The following MVB12B variants were observed in gnomAD, a reference collection of about 807,000 sequenced individuals.
MVB12B encodes multivesicular body subunit 12B, also known as ESCRT-I complex subunit MVB12B.
MVB12B carries 16 observed loss-of-function variants against 41.6 expected under a neutral mutation model. The observed-to-expected ratio is 0.38, with a 90% CI of 0.26 to 0.58. The LOEUF (loss-of-function observed/expected upper bound fraction) is 0.58, where lower values mean the gene tolerates loss of function less well. Among genes scored for constraint, MVB12B ranks in the 20% least tolerant of loss-of-function variants. The pLI, the probability that MVB12B is intolerant of heterozygous loss-of-function variation, is 0.62. For synonymous variants in MVB12B, 133 were observed against 139.7 expected, an observed-to-expected ratio of 0.95 and a Z score of 0.34; for missense variants, 274 against 380.2, an observed-to-expected ratio of 0.72 and a Z score of 2.32.
chr9:126,397,356 G>A (rs1367923487), intron 6 of MVB12B: 13 of 985,318 alleles, frequency 1.3e-5, no homozygotes, highest in East Asian at 1.1e-4. Flanking sequence ...CAAGACAGCC[G>A]AGAACACCGA....
intron 2 of MVB12B, among the ~76,000 whole-genome samples, chr9:126,366,927 C>T (rs1830198812): frequency 6.6e-6 from 1 of 152,202 alleles, no homozygotes; most frequent in Non-Finnish European, 1.5e-5. Flanking sequence ...TATTCCCAAA[C>T]CGAACTCCTC....
intron 7 of MVB12B, among the ~76,000 whole-genome samples, chr9:126,456,875 AGT>A (rs1832994896): frequency 1.4e-5 from 1 of 69,164 alleles, no homozygotes; most frequent in Non-Finnish European, 3.1e-5. Context: ...TAAAAGAAAA[AGT>A]AAGCGTCTTA....
intron 7 of MVB12B, among the ~76,000 whole-genome samples, chr9:126,446,938 C>CTTTTTTTTTTTTTTTTTTTTTTTTACTTT (rs33991689): frequency 9.6e-6 from 1 of 104,324 alleles, no homozygotes; most frequent in African/African-American, 3.9e-5. Flanking sequence ...TTTTAACTTT[C>CTTTTTTTTTTTTTTTTTTTTTTTTACTTT]TTTTTTTTTT....
At chr9:126,499,451 A>AT (rs1019877106) in intron 9 of MVB12B, among the ~76,000 whole-genome samples, 15 of 152,308 alleles carry the variant, frequency 9.8e-5, no homozygotes, top group Admixed American at 3.3e-4. Flanking sequence ...TTCAAAAAGG[A>AT]TTTGCTGTTT....
intron 7 of MVB12B, among the ~76,000 whole-genome samples, chr9:126,441,345 C>T (rs1419145370): frequency 6.6e-6 from 1 of 152,200 alleles, no homozygotes. Context: ...AGGAAGACTT[C>T]TGTTTGGTGA....
intron 7 of MVB12B, among the ~76,000 whole-genome samples, chr9:126,427,843 GCTGA>G (rs1177437073): frequency 1.3e-5 from 2 of 152,146 alleles, no homozygotes; most frequent in Non-Finnish European, 2.9e-5. Flanking sequence ...TCAGCATTAG[GCTGA>G]CTATTAAAGT....
In MVB12B at chr9:126,386,683, A is replaced by C; in HGVS notation, c.409+25A>C. On this transcript the variant is annotated intron_variant, in intron 4 of 9. Transcript: ENST00000361171. The surrounding 1 kb of genome is among the most constrained non-coding windows in gnomAD (Gnocchi z 4.3). ...CGTGAGTCATCCTTTAGTAGCACTC[A>C]TCACAATGAGCGTTTTCTTCCTCCA... is the stretch of plus-strand genomic sequence containing the variant. 11 of 1,509,812 alleles carry C rather than the reference A, an allele frequency of 7.3e-6. No homozygotes were observed. Among genetic ancestry groups the C allele is most frequent in the East Asian group, 2.3e-5 (1 of 44,360 alleles). The allele number at this position is 1,509,812 out of a possible 1,614,324, so 93.5% of individuals were successfully genotyped here. A position where few individuals can be genotyped will look rare whatever the true frequency, so the allele number is the denominator to read the frequency against.
In MVB12B at chr9:126,376,438, G is replaced by C. The variant is rs1400755072; in HGVS notation, c.205-4626G>C. The C allele has an allele frequency of 8.6e-7, 1 of 1,167,028 alleles. No individual in the cohort carries two copies. The allele number at this position is 1,167,028 out of a possible 1,614,324, so 72.3% of individuals were successfully genotyped here. ...CTGGTGACCCTTTGTTGTGGGTTGG[G>C]ATTTAAGATGGAGGCACCAGCTCAT... On this transcript the variant is annotated intron_variant, in intron 2 of 9. Coordinates refer to ENST00000361171, the MANE Select transcript of MVB12B (RefSeq NM_033446.3). This position sits in a 1 kb window ranked among gnomAD's most constrained non-coding sequence, Gnocchi z 4.1.
Position 126,466,372 on chromosome 9 carries a change from G to T in MVB12B, c.758-14997G>T, listed in dbSNP as rs533582031. 2.0e-5 allele frequency among the ~76,000 whole-genome samples: 3 copies of T among 152,310 alleles called. No homozygotes were observed. The East Asian group carries it at 5.8e-4, about 29-fold the overall frequency. ...AACCTGGCCTCACAAGCGTGTTTACGTCTCTGCTGGTGTCATAACTGCTAA... is the reference window on the plus strand; with the variant it reads ...AACCTGGCCTCACAAGCGTGTTTACTTCTCTGCTGGTGTCATAACTGCTAA... On this transcript the variant is annotated intron_variant, in intron 7 of 9. Coordinates refer to ENST00000361171, the MANE Select transcript of MVB12B (RefSeq NM_033446.3).
chr9:126,447,543 G>A (rs564620811), intron 7 of MVB12B, among the ~76,000 whole-genome samples: 50 of 151,930 alleles, frequency 3.3e-4, no homozygotes, highest in Non-Finnish European at 6.6e-4. Context: ...CCGAGAATAT[G>A]ACCTCTATAA....
At chr9:126,487,603 C>A (rs564907787) in intron 9 of MVB12B, among the ~76,000 whole-genome samples, 32 of 152,172 alleles carry the variant, frequency 2.1e-4, no homozygotes, top group Non-Finnish European at 3.5e-4. Flanking sequence ...CTGCTAAAAA[C>A]ACACACACAA....
At chr9:126,402,428 A>G (rs1206389858) in intron 6 of MVB12B, among the ~76,000 whole-genome samples, 1 of 151,986 alleles carries the variant, frequency 6.6e-6, no homozygotes, top group Non-Finnish European at 1.5e-5. Context: ...ACTTGAGTTC[A>G]GGAGTTCAAA....
chr9:126,428,570 G>C (rs1832245072), intron 7 of MVB12B, among the ~76,000 whole-genome samples: 1 of 152,172 alleles, frequency 6.6e-6, no homozygotes, highest in African/African-American at 2.4e-5. Flanking sequence ...AGCACTGCAG[G>C]GTTGGGAAAA....
Position 126,504,381 on chromosome 9 carries a change from T to G in MVB12B, c.*1118T>G, listed in dbSNP as rs985525212. ...CCCGAAGGGCTGCCTCACTCTGTGG[T>G]GTCAGGCACTGGGCTGTGTCCTGAT... is the stretch of plus-strand genomic sequence containing the variant. On this transcript the variant is annotated 3_prime_UTR_variant, in exon 10 of 10. Transcript: ENST00000361171. The G allele has an allele frequency of 6.6e-6, 1 of 152,274 alleles. No individual in the cohort carries two copies. 9.4% of individuals were successfully genotyped at this position (152,274 alleles called of 1,614,324 possible). A position where few individuals can be genotyped will look rare whatever the true frequency, so the allele number is the denominator to read the frequency against.
chr9:126,460,611 C>T (rs889498016), intron 7 of MVB12B, among the ~76,000 whole-genome samples: 1 of 152,062 alleles, frequency 6.6e-6, no homozygotes, highest in Non-Finnish European at 1.5e-5. Flanking sequence ...GGCATCGCCT[C>T]TCCCTGACCG....
intron 6 of MVB12B, among the ~76,000 whole-genome samples, chr9:126,413,988 C>T (rs1358817105): frequency 2.0e-5 from 3 of 152,090 alleles, no homozygotes; most frequent in South Asian, 2.1e-4. Context: ...TGGGCAGAAC[C>T]ATCTTCATTA....
chr9:126,488,740 A>T (rs1446309471), intron 9 of MVB12B, among the ~76,000 whole-genome samples: 1 of 152,212 alleles, frequency 6.6e-6, no homozygotes, highest in Admixed American at 6.5e-5. Context: ...GTGAGCCCTG[A>T]GGCAGCACTG....
chr9:126,425,658 C>T (rs931008336), intron 7 of MVB12B, among the ~76,000 whole-genome samples: 4 of 152,176 alleles, frequency 2.6e-5, no homozygotes, highest in African/African-American at 7.2e-5. Flanking sequence ...CCTGTTCATT[C>T]GAGTTCCTCA....
At chr9:126,487,269 C>T (rs1195018717) in intron 9 of MVB12B, among the ~76,000 whole-genome samples, 1 of 152,218 alleles carries the variant, frequency 6.6e-6, no homozygotes, top group African/African-American at 2.4e-5. Flanking sequence ...GTGCCTGCCT[C>T]AGTGCTGCTG....
Sources: gnomAD v4.1 joint callset for allele counts (sites outside exome capture counted in the v4.1 genomes callset) on GRCh38, gnomAD v4.1.1 for gene constraint, Gnocchi (gnomAD v3.1) non-coding constraint, MANE v1.5 for transcripts, NCBI Gene and HGNC (gene_info 2026-07-23, HGNC 2026-07-21) for gene names.